SMIM7: variants seen among roughly 807,000 people sequenced by gnomAD.
The protein encoded by SMIM7 is small integral membrane protein 7, also known as UPF0608 protein C19orf42.
A neutral mutation model predicts 13.3 loss-of-function variants in SMIM7; 12 were observed. The observed-to-expected ratio is 0.90, with a 90% CI of 0.58 to 1.46. The LOEUF is 1.46. Among genes scored for constraint, SMIM7 ranks in the 40% most tolerant of loss-of-function variants. The pLI is 0.00. For synonymous variants in SMIM7, 36 were observed against 35.8 expected, an observed-to-expected ratio of 1.01 and a Z score of -0.02; for missense variants, 114 against 94.8, an observed-to-expected ratio of 1.20 and a Z score of -0.84.
downstream of SMIM7, among the ~76,000 whole-genome samples, chr19:16,641,794 T>C (rs531081270): frequency 1.3e-5 from 2 of 152,314 alleles, no homozygotes; most frequent in African/African-American, 4.8e-5. Flanking sequence ...AGAAAGGATT[T>C]TGCCACAGCG....
intron 2 of SMIM7, 57 bp downstream of exon 2, chr19:16,659,902 G>T: frequency 6.4e-7 from 1 of 1,564,228 alleles, no homozygotes; most frequent in Non-Finnish European, 8.6e-7. Flanking sequence ...TCACGCTTAT[G>T]AGGGCGGGGC....
At position 16,647,076 on chromosome 19, in the gene SMIM7, G is replaced by A. The variant is rs1172264490; in HGVS notation, c.*170C>T. On this transcript the variant is annotated 3_prime_UTR_variant, in exon 5 of 5. Coordinates refer to ENST00000487416, the MANE Select transcript of SMIM7 (RefSeq NM_024104.4). The stretch of plus-strand genomic sequence containing the variant: ...AAACTATCTTTGAAAACAGGGACGT[G>A]GCTGGGAAACCATGCACACCTCGGC... 2.6e-6 allele frequency: 2 copies of A among 757,300 alleles called. No homozygotes were observed. The highest frequency in any genetic ancestry group is 1.7e-5 in the South Asian group (1 of 58,168). 46.9% of individuals were successfully genotyped at this position (757,300 alleles called of 1,614,324 possible). A position where few individuals can be genotyped will look rare whatever the true frequency, so the allele number is the denominator to read the frequency against.
chr19:16,652,664 C>G (rs1214081914), intron 4 of SMIM7: 15 of 1,386,784 alleles, frequency 1.1e-5, no homozygotes, highest in Non-Finnish European at 1.3e-5. Context: ...GAAATGCCAT[C>G]CTCCCCAGAT....
chr19:16,652,870 A>AT, intron 4 of SMIM7: 1 of 1,550,436 alleles, frequency 6.4e-7, no homozygotes, highest in Non-Finnish European at 8.7e-7. Context: ...TCCTAAATCC[A>AT]TTTACAGCAA....
chr19:16,659,917 G>A, intron 2 of SMIM7, 42 bp downstream of exon 2: 1 of 1,587,928 alleles, frequency 6.3e-7, no homozygotes, highest in Non-Finnish European at 8.6e-7. Context: ...CGGGGCTACG[G>A]GTTCCCCGGA....
At chr19:16,641,992 G>A (rs770455151), downstream of SMIM7, among the ~76,000 whole-genome samples, 27 of 152,160 alleles carry the variant, frequency 1.8e-4, no homozygotes, top group African/African-American at 5.8e-4. Context: ...TGAGAAGCGC[G>A]TGCAAAAATA....
chr19:16,645,710 G>A (rs2086442439), downstream of SMIM7: 1 of 139,756 alleles, frequency 7.2e-6, no homozygotes, highest in South Asian at 2.2e-4. Flanking sequence ...CACCCAGGCT[G>A]AAGTGCAGTG....
In SMIM7 at chr19:16,647,361, G is replaced by A; in HGVS notation, c.213-100C>T. The A allele has an allele frequency of 2.9e-6, 4 of 1,398,958 alleles. No homozygotes were observed. The Admixed American group carries it at 5.8e-5, about 20-fold the overall frequency. The allele number at this position is 1,398,958 out of a possible 1,614,324, so 86.7% of individuals were successfully genotyped here. ...TTACATGACTATTACCTATTACTTA[G>A]ATGATTTTACATGATTGTCTGATTT... On this transcript the variant is annotated intron_variant, in intron 4 of 4. Transcript: ENST00000487416.
At chr19:16,638,188 A>C (rs1256744326) in intron 4 of SMIM7, among the ~76,000 whole-genome samples, 1 of 152,032 alleles carries the variant, frequency 6.6e-6, no homozygotes, top group Non-Finnish European at 1.5e-5. Flanking sequence ...GAATCACTTA[A>C]AGCCGGAGGC....
At chr19:16,639,191 G>A (rs529196902) in intron 4 of SMIM7, among the ~76,000 whole-genome samples, 5 of 147,158 alleles carry the variant, frequency 3.4e-5, no homozygotes, top group South Asian at 2.1e-4. Flanking sequence ...GCGTGATCTC[G>A]GCTCACTGCA....
At chr19:16,656,280 C>G (rs10421591) in intron 3 of SMIM7, among the ~76,000 whole-genome samples, 10 of 151,980 alleles carry the variant, frequency 6.6e-5, no homozygotes, top group Non-Finnish European at 1.2e-4. Flanking sequence ...CCCAAATCCT[C>G]GGGAGGCTGA....
intron 4 of SMIM7, among the ~76,000 whole-genome samples, chr19:16,635,899 A>ATATATATATAT (rs1555703285): frequency 3.6e-5 from 4 of 109,596 alleles, no homozygotes; most frequent in African/African-American, 1.7e-4. Context: ...AAAAAAAAAA[A>ATATATATATAT]ATATATATAT....
intron 4 of SMIM7, among the ~76,000 whole-genome samples, chr19:16,651,676 C>T (rs2086527656): frequency 6.6e-6 from 1 of 152,190 alleles, no homozygotes. Context: ...TTCTTCCCTG[C>T]CCCAGGACCT....
At position 16,659,464 on chromosome 19, in the gene SMIM7, A is replaced by C. The variant is rs770788534; in HGVS notation, c.69-17T>G. ...TTCTTTTTCCTACAAAGAGGAGCAG[A>C]CAGTGTCCACTTTCAATGGGACATA... is the stretch of plus-strand genomic sequence containing the variant. On this transcript the variant is annotated splice_polypyrimidine_tract_variant and intron_variant, in intron 2 of 4. Transcript: ENST00000487416. 1.2e-6 allele frequency: 2 copies of C among 1,610,896 alleles called. No individual in the cohort carries two copies. Among genetic ancestry groups the C allele is most frequent in the South Asian group, 2.2e-5 (2 of 90,198 alleles).
chr19:16,646,314 C>T lies in SMIM7; in HGVS notation c.*932G>A, dbSNP rs1356429700. ...ACAAACAAACAAAAAAACCAGACAA[C>T]AAAAAACTCAACAAGCAAATCACAC... On this transcript the variant is annotated 3_prime_UTR_variant, in exon 5 of 5. Transcript: ENST00000487416. 2 of 152,094 alleles carry T rather than the reference C, an allele frequency of 1.3e-5. No individual in the cohort carries two copies. The highest frequency in any genetic ancestry group is 6.6e-5 in the Admixed American group (1 of 15,264). 9.4% of individuals were successfully genotyped at this position (152,094 alleles called of 1,614,324 possible).
intron 4 of SMIM7, chr19:16,631,831 C>T (rs2086323464): frequency 6.6e-6 from 1 of 152,036 alleles, no homozygotes; most frequent in Admixed American, 6.6e-5. Context: ...AAACAACCAC[C>T]CTCCTTTGAC....
At chr19:16,632,169 C>T (rs1037660896) in intron 4 of SMIM7, among the ~76,000 whole-genome samples, 5 of 151,924 alleles carry the variant, frequency 3.3e-5, no homozygotes, top group African/African-American at 1.2e-4. Flanking sequence ...CACCCGGCCG[C>T]TGGCAGAAAT....
chr19:16,632,759 T>C (rs1414403512), intron 4 of SMIM7, among the ~76,000 whole-genome samples: 2 of 152,030 alleles, frequency 1.3e-5, no homozygotes, highest in Admixed American at 6.6e-5. Flanking sequence ...CTGGAACTCC[T>C]GACTTCAGGT....
At position 16,647,196 on chromosome 19, in the gene SMIM7, T is replaced by C. The variant is rs1321097488; in HGVS notation, c.*50A>G. 5 of 1,612,898 alleles carry C rather than the reference T, an allele frequency of 3.1e-6. No individual in the cohort carries two copies. In the South Asian group the frequency reaches 4.4e-5, roughly 14 times the overall value. ...CTTGAAGTCATCAGGAATGGAGGAA[T>C]GGAGACTCGGCATCCCGGGAAAGTG... On this transcript the variant is annotated 3_prime_UTR_variant, in exon 5 of 5. Transcript: ENST00000487416.
Sources: allele counts gnomAD v4.1 joint callset (sites outside exome capture counted in the v4.1 genomes callset), GRCh38; gene constraint gnomAD v4.1.1; transcripts MANE v1.5; gene names NCBI Gene and HGNC (gene_info 2026-07-23, HGNC 2026-07-21).